NEDD4L: variants seen among roughly 807,000 people sequenced by gnomAD.
NEDD4L encodes E3 ubiquitin-protein ligase NEDD4-like.
NEDD4L carries 54 observed loss-of-function variants against 148.9 expected under a neutral mutation model. The ratio of observed to expected loss-of-function variants is 0.36; its 90% CI spans 0.29 to 0.45. NEDD4L has a LOEUF of 0.45. Ranked by LOEUF, NEDD4L falls within the 20% of genes least tolerant of loss-of-function variation. The probability of loss-of-function intolerance (pLI) is 1.00; values close to 1 mark genes in which losing one functional copy is unlikely to be tolerated. For missense variants in NEDD4L, 856 were observed against 1,233.8 expected (o/e 0.69, Z 4.59); for synonymous variants, 433 against 440.7 (o/e 0.98, Z 0.22).
intron 1 of NEDD4L, among the ~76,000 whole-genome samples, chr18:58,138,850 T>C (rs1345773478): frequency 6.6e-6 from 1 of 152,222 alleles, no homozygotes; most frequent in African/African-American, 2.4e-5. Flanking sequence ...CACCTTCCAA[T>C]ACCGCCATCT....
chr18:58,160,369 A>G (rs2036045476), intron 1 of NEDD4L, among the ~76,000 whole-genome samples: 1 of 152,226 alleles, frequency 6.6e-6, no homozygotes, highest in Non-Finnish European at 1.5e-5. Flanking sequence ...AAGAAGTACA[A>G]AATTCAGTGT....
At chr18:58,051,303 C>A (rs1400703074) in intron 1 of NEDD4L, among the ~76,000 whole-genome samples, 1 of 152,002 alleles carries the variant, frequency 6.6e-6, no homozygotes, top group African/African-American at 2.4e-5. Context: ...AGAAGAACTC[C>A]CAACATATTA....
chr18:58,272,352 A>G (rs2051164092), intron 5 of NEDD4L, among the ~76,000 whole-genome samples: 1 of 152,150 alleles, frequency 6.6e-6, no homozygotes, highest in African/African-American at 2.4e-5. Context: ...ATTTAATCCA[A>G]AGGCCAGGCG....
chr18:58,062,182 T>G (rs1020737184), intron 1 of NEDD4L, among the ~76,000 whole-genome samples: 2 of 152,180 alleles, frequency 1.3e-5, no homozygotes, highest in Non-Finnish European at 1.5e-5. Flanking sequence ...AAAAGAAGTC[T>G]TTGTGTCGGT....
chr18:58,151,625 A>ATATGTGTG (rs1555709300), intron 1 of NEDD4L, among the ~76,000 whole-genome samples: 7 of 140,980 alleles, frequency 5.0e-5, no homozygotes, highest in African/African-American at 1.9e-4. Flanking sequence ...GTGCCTGGAT[A>ATATGTGTG]TGTGTGTGTG....
At chr18:58,277,003 T>C (rs1216584110) in intron 5 of NEDD4L, among the ~76,000 whole-genome samples, 3 of 152,188 alleles carry the variant, frequency 2.0e-5, no homozygotes, top group Non-Finnish European at 2.9e-5. Flanking sequence ...TATTTATTTT[T>C]TAGTGCCAGG....
At chr18:58,328,417 A>G (rs138588407) in intron 9 of NEDD4L, among the ~76,000 whole-genome samples, 2 of 152,324 alleles carry the variant, frequency 1.3e-5, no homozygotes, top group Non-Finnish European at 2.9e-5. Context: ...AAAGTAGGGT[A>G]AAGGAGGTAA....
chr18:58,281,587 T>C (rs1465933415), intron 5 of NEDD4L, among the ~76,000 whole-genome samples: 1 of 152,034 alleles, frequency 6.6e-6, no homozygotes, highest in African/African-American at 2.4e-5. Flanking sequence ...CAAACAATAT[T>C]AACAAGAGCA....
At chr18:58,316,598 C>T (rs2058294675) in intron 6 of NEDD4L, among the ~76,000 whole-genome samples, 2 of 152,228 alleles carry the variant, frequency 1.3e-5, no homozygotes, top group Non-Finnish European at 2.9e-5. Flanking sequence ...ACTGAGTTAG[C>T]ATGTGTGGTG....
intron 27 of NEDD4L, chr18:58,388,268 C>T (rs1189772214): frequency 1.3e-5 from 2 of 152,236 alleles, no homozygotes; most frequent in African/African-American, 2.4e-5. Flanking sequence ...TTCCCATACA[C>T]TGGCCTTCTA....
intron 5 of NEDD4L, among the ~76,000 whole-genome samples, chr18:58,261,073 A>T (rs56346218): frequency 3.3e-5 from 5 of 152,136 alleles, no homozygotes; most frequent in Non-Finnish European, 7.4e-5. Context: ...CCATTTTTTG[A>T]TCAGTATGGC....
intron 1 of NEDD4L, among the ~76,000 whole-genome samples, chr18:58,063,999 C>G (rs530643808): frequency 9.1e-5 from 11 of 120,754 alleles, no homozygotes; most frequent in Non-Finnish European, 1.9e-4. Flanking sequence ...GAGTCTTGTT[C>G]TGTTGCCCAG....
chr18:58,174,148 T>G (rs2037828553), intron 2 of NEDD4L, among the ~76,000 whole-genome samples: 1 of 151,924 alleles, frequency 6.6e-6, no homozygotes, highest in Non-Finnish European at 1.5e-5. Context: ...GAGTAGAATT[T>G]TACTGAGCAA....
chr18:58,137,705 G>GT (rs1191576663), intron 1 of NEDD4L, among the ~76,000 whole-genome samples: 138 of 151,462 alleles, frequency 9.1e-4, no homozygotes, highest in Non-Finnish European at 9.7e-4. Context: ...TTAAGGATTT[G>GT]TTTTTTTTTC....
intron 1 of NEDD4L, among the ~76,000 whole-genome samples, chr18:58,158,716 G>A (rs1428614284): frequency 2.0e-5 from 3 of 152,154 alleles, no homozygotes; most frequent in African/African-American, 7.2e-5. Flanking sequence ...CAGAGATGAC[G>A]GTGAGTAGTC....
intron 1 of NEDD4L, among the ~76,000 whole-genome samples, chr18:58,124,223 C>T (rs921296758): frequency 4.6e-5 from 7 of 152,146 alleles, no homozygotes; most frequent in African/African-American, 7.2e-5. Context: ...GGTGGGAGGC[C>T]GGATGTCAGT....
intron 2 of NEDD4L, among the ~76,000 whole-genome samples, chr18:58,181,505 C>T (rs1203501765): frequency 6.7e-6 from 1 of 149,740 alleles, no homozygotes; most frequent in Non-Finnish European, 1.5e-5. Flanking sequence ...GGCTGTAGCT[C>T]ACTACAGCCT....
At position 58,327,456 on chromosome 18, in the gene NEDD4L, G is replaced by A. The variant is rs572150167; in HGVS notation, c.681-1539G>A. ...CATGTAGTTTTGGGAGAAGGCAGAG[G>A]CATAACTGCCCCATCAAGGAGGCAG... On this transcript the variant is annotated intron_variant, in intron 9 of 30. Coordinates refer to ENST00000400345, the MANE Select transcript of NEDD4L (RefSeq NM_001144967.3). Among the ~76,000 whole-genome samples the A allele has an allele frequency of 2.4e-4, 36 of 152,316 alleles. No homozygotes were observed. The South Asian group carries it at 7.3e-3, about 31-fold the overall frequency.
At chr18:58,368,410 C>G (rs971173180) in intron 22 of NEDD4L, among the ~76,000 whole-genome samples, 11 of 152,030 alleles carry the variant, frequency 7.2e-5, no homozygotes, top group Non-Finnish European at 8.8e-5. Flanking sequence ...GAAGTCAAAC[C>G]CTCTACCTGG....
Sources: gnomAD v4.1 joint callset for allele counts (sites outside exome capture counted in the v4.1 genomes callset) on GRCh38, gnomAD v4.1.1 for gene constraint, MANE v1.5 for transcripts, NCBI Gene and HGNC (gene_info 2026-07-23, HGNC 2026-07-21) for gene names.